Variants in HMCN1 observed in about 807,000 individuals in gnomAD.
The protein encoded by HMCN1 is hemicentin-1.
Under a neutral mutation model 625.9 loss-of-function variants are expected in HMCN1, and 321 were observed. The observed-to-expected ratio is 0.51, with a 90% confidence interval of 0.47 to 0.56. The LOEUF is 0.56. Among genes scored for constraint, HMCN1 ranks in the 20% least tolerant of loss-of-function variants. The probability of loss-of-function intolerance (pLI) is 0.00; values close to 1 mark genes in which losing one functional copy is unlikely to be tolerated. For missense variants in HMCN1, 6,588 were observed against 6,887.3 expected (o/e 0.96, Z 1.54); for synonymous variants, 2,425 against 2,417.6 (o/e 1.00, Z -0.09).
intron 7 of HMCN1, 121 bp downstream of exon 7, chr1:185,922,620 A>C: frequency 1.1e-6 from 1 of 909,032 alleles, no homozygotes. Flanking sequence ...ATAGCTTTAA[A>C]TGTGACTGTT....
Position 186,039,780 on chromosome 1 carries a change from C to G in HMCN1, c.6081C>G (p.Asn2027Lys), listed in dbSNP as rs1432690897. ...ACATGGTGGCAGTGGTGGTTAATAA[C>G]CCGGTGAGGTTAGAATGTGAAGCCA... ...SNNMVAVVVN[N>K]PVRLECEARG... The change falls in exon 39 of 107, where the codon AAC becomes AAG. Residue 2027 changes from asparagine (N) to lysine (K), a missense_variant. Transcript: ENST00000271588. 1 of 1,613,380 alleles carries G rather than the reference C, an allele frequency of 6.2e-7. No individual in the cohort carries two copies. Among genetic ancestry groups the G allele is most frequent in the Non-Finnish European group, 8.5e-7 (1 of 1,179,572 alleles).
chr1:186,160,178 TTTC>T (rs1319727121), intron 97 of HMCN1, among the ~76,000 whole-genome samples: 1 of 150,362 alleles, frequency 6.7e-6, no homozygotes, highest in African/African-American at 2.5e-5. Context: ...AATTTATCCA[TTTC>T]TTCTAGATTT....
Position 186,103,644 on chromosome 1 carries a change from G to C in HMCN1, c.10746G>C (p.Glu3582Asp). Residue 3582 changes from glutamate (E) to aspartate (D), a missense_variant, in exon 69 of 107, where the codon GAG (glutamate) becomes GAC (aspartate). Around this residue, in one of 3 missense-constraint regions of HMCN1, gnomAD observed 4,628 missense variants for 4,853.1 expected, o/e 0.95. Transcript: ENST00000271588. ...TDQVQTLGGG[E>D]VLRISTAQVE... ...AAGTGCAAACTCTAGGAGGAGGAGA[G>C]GTTCTTCGAATTTCTACTGCTCAGG... The C allele has an allele frequency of 1.2e-6, 2 of 1,613,674 alleles. No individual in the cohort carries two copies. The highest frequency in any genetic ancestry group is 1.7e-6 in the Non-Finnish European group (2 of 1,179,742).
At chr1:186,055,195 G>A (rs915619405) in intron 44 of HMCN1, among the ~76,000 whole-genome samples, 198 bp from the exon 45 acceptor site, 2 of 151,956 alleles carry the variant, frequency 1.3e-5, no homozygotes, top group African/African-American at 4.8e-5. Context: ...CTTCATTTTA[G>A]GTATGAACCC....
At chr1:186,079,940 G>C (rs1019182723) in intron 55 of HMCN1, among the ~76,000 whole-genome samples, 23 of 152,134 alleles carry the variant, frequency 1.5e-4, no homozygotes, top group African/African-American at 5.1e-4. Flanking sequence ...CACTAGTAGG[G>C]TGTGGCAGCT....
rs1177935297 is a variant in HMCN1, at chr1:186,081,210, C to T, written c.8603C>T (p.Pro2868Leu). ...CTTTGTTGCAATCCTTTGTTAGTGCCGCCAATTATCAAGGGAGCAAATAGT... is the reference window on the plus strand; with the variant it reads ...CTTTGTTGCAATCCTTTGTTAGTGCTGCCAATTATCAAGGGAGCAAATAGT... ...SLQYDVRVLV[P>L]PIIKGANSDL... Residue 2868 changes from proline (P) to leucine (L), a missense_variant, in exon 56 of 107, where the codon CCG (proline) becomes CTG (leucine). Physicochemically the swap from Pro to Leu is moderately conservative, Grantham distance 98. Coordinates refer to ENST00000271588, the MANE Select transcript of HMCN1 (RefSeq NM_031935.3). 7.4e-6 allele frequency: 12 copies of T among 1,612,896 alleles called. No homozygotes were observed. Among genetic ancestry groups the T allele is most frequent in the Non-Finnish European group, 1.0e-5 (12 of 1,179,156 alleles).
intron 1 of HMCN1, among the ~76,000 whole-genome samples, chr1:185,789,509 C>A (rs924367278): frequency 6.6e-6 from 1 of 152,138 alleles, no homozygotes; most frequent in Non-Finnish European, 1.5e-5. Context: ...TTGATCACTT[C>A]GTGACTTTGT....
chr1:185,775,294 T>TG (rs1656518293), intron 1 of HMCN1, among the ~76,000 whole-genome samples: 1 of 152,146 alleles, frequency 6.6e-6, no homozygotes. Context: ...TCCCAGCTAC[T>TG]TGGGAGACTG....
chr1:186,097,629 C>T (rs981271642), intron 68 of HMCN1, among the ~76,000 whole-genome samples: 1 of 151,920 alleles, frequency 6.6e-6, no homozygotes, highest in African/African-American at 2.4e-5. Context: ...TGGCTATACT[C>T]CCAAAACAAT....
chr1:186,119,374 G>A, intron 78 of HMCN1, 76 bp downstream of exon 78: 1 of 1,051,478 alleles, frequency 9.5e-7, no homozygotes, highest in Non-Finnish European at 1.5e-6. Flanking sequence ...TCTGAAAGGT[G>A]GTAGGTACTG....
chr1:186,121,893 G>A (rs779114395), intron 80 of HMCN1, among the ~76,000 whole-genome samples: 7 of 152,150 alleles, frequency 4.6e-5, no homozygotes, highest in Admixed American at 1.3e-4. Context: ...CAGGGATATC[G>A]TTGGAAAACT....
Position 186,136,955 on chromosome 1 carries a change from A to C in HMCN1, c.13582+18A>C, listed in dbSNP as rs758662440. 6.2e-6 allele frequency: 10 copies of C among 1,611,714 alleles called. No individual in the cohort carries two copies. The highest frequency in any genetic ancestry group is 4.0e-5 in the African/African-American group (3 of 74,886). ...AGTCCAGGGTGAGTGTGATCAGAGGAATATTCATAGTAAACAGTACCTGGG... is the reference window on the plus strand; with the variant it reads ...AGTCCAGGGTGAGTGTGATCAGAGGCATATTCATAGTAAACAGTACCTGGG... On this transcript the variant is annotated intron_variant, in intron 87 of 106. Coordinates refer to ENST00000271588, the MANE Select transcript of HMCN1 (RefSeq NM_031935.3).
At position 186,128,303 on chromosome 1, in the gene HMCN1, A is replaced by G. The variant is rs749057999; in HGVS notation, c.12904+12A>G. On this transcript the variant is annotated intron_variant, in intron 83 of 106. Transcript: ENST00000271588. ...CAATATTATTCCAGGTTGGTCATTT[A>G]ATTCTCAAGAAGTGAATAAATACAC... The G allele has an allele frequency of 1.2e-6, 2 of 1,601,000 alleles. No individual in the cohort carries two copies. Among genetic ancestry groups the G allele is most frequent in the Non-Finnish European group, 1.7e-6 (2 of 1,169,342 alleles).
chr1:185,971,644 G>A (rs975066464), intron 15 of HMCN1, among the ~76,000 whole-genome samples: 2 of 151,966 alleles, frequency 1.3e-5, no homozygotes, highest in Admixed American at 1.3e-4. Flanking sequence ...TTAGAATATA[G>A]TAACACAAAA....
chr1:186,106,170 C>G (rs1307582081), intron 69 of HMCN1, among the ~76,000 whole-genome samples: 1 of 152,032 alleles, frequency 6.6e-6, no homozygotes, highest in African/African-American at 2.4e-5. Context: ...TTCTGTTTTT[C>G]CAAAATACAT....
At chr1:186,110,762 A>C (rs1003298300) in intron 71 of HMCN1, among the ~76,000 whole-genome samples, 2 of 152,068 alleles carry the variant, frequency 1.3e-5, no homozygotes, top group African/African-American at 4.8e-5. Context: ...AGCCTTGTCC[A>C]GAAGGGTCAT....
At chr1:185,743,017 C>G (rs1314073472) in intron 1 of HMCN1, among the ~76,000 whole-genome samples, 1 of 152,154 alleles carries the variant, frequency 6.6e-6, no homozygotes, top group Non-Finnish European at 1.5e-5. Flanking sequence ...CAGCCTTCTA[C>G]TTTATTGTTG....
intron 71 of HMCN1, 29 bp from the exon 72 acceptor site, chr1:186,112,783 C>A: frequency 6.2e-7 from 1 of 1,613,092 alleles, no homozygotes; most frequent in East Asian, 2.2e-5. Context: ...GACATTTTAA[C>A]GGCAAATTTC....
intron 4 of HMCN1, among the ~76,000 whole-genome samples, chr1:185,874,134 T>C (rs1663792523): frequency 6.6e-6 from 1 of 151,882 alleles, no homozygotes; most frequent in Non-Finnish European, 1.5e-5. Context: ...ATGAAGAAAA[T>C]TGAAGGTCTT....
Sources: gnomAD v4.1 joint callset for allele counts (sites outside exome capture counted in the v4.1 genomes callset) on GRCh38, gnomAD v4.1.1 for gene constraint, gnomAD v4.1.1 regional missense constraint, MANE v1.5 for transcripts, NCBI Gene and HGNC (gene_info 2026-07-23, HGNC 2026-07-21) for gene names.